The following RAG1 variants were observed in gnomAD, a reference collection of about 807,000 sequenced individuals.
The protein encoded by RAG1 is V(D)J recombination-activating protein 1.
In RAG1, 35 loss-of-function variants were observed where a neutral mutation model predicts 62.7. The observed-to-expected ratio is 0.56, with a 90% CI of 0.43 to 0.74. RAG1 has a LOEUF of 0.74. RAG1 is among the 30% of genes least tolerant of loss of function. RAG1 has a pLI of 0.00. For synonymous variants in RAG1, 461 were observed against 470.3 expected (o/e 0.98, Z 0.26); for missense variants, 1,169 against 1,278.6 (o/e 0.91, Z 1.31).
Position 36,579,438 on chromosome 11 carries a change from A to G in RAG1, c.*3002A>G, listed in dbSNP as rs1360337909. ...ATTTTAACTACAGTAATCTACATAA[A>G]TATACCTCAGAAATCATTTTTGGTG... On this transcript the variant is annotated 3_prime_UTR_variant, in exon 2 of 2. Transcript: ENST00000299440. 3 of 167,032 alleles carry G rather than the reference A, an allele frequency of 1.8e-5. No homozygotes were observed. The highest frequency in any genetic ancestry group is 4.4e-5 in the Non-Finnish European group (3 of 68,128). 10.3% of individuals were successfully genotyped at this position (167,032 alleles called of 1,614,324 possible). A position where few individuals can be genotyped will look rare whatever the true frequency, so the allele number is the denominator to read the frequency against.
Position 36,574,596 on chromosome 11 carries a change from A to C in RAG1, c.1292A>C (p.Lys431Thr). ...GACAAAGAAGAAGGTGGAGATGTGA[A>C]GTCCGTGTGCATGACCTTGTTCCTG... ...FADKEEGGDV[K>T]SVCMTLFLLA... Residue 431 changes from lysine (K) to threonine (T), a missense_variant, in exon 2 of 2, where the codon AAG becomes ACG. By Grantham distance (78) the Lys-to-Thr change is moderately conservative. This residue lies in a region of RAG1 where 800 missense variants were observed against 943.3 expected (regional missense o/e 0.85). Coordinates refer to ENST00000299440, the MANE Select transcript of RAG1 (RefSeq NM_000448.3). 1 of 1,614,226 alleles carries C rather than the reference A, an allele frequency of 6.2e-7. No homozygotes were observed. The highest frequency in any genetic ancestry group is 8.5e-7 in the Non-Finnish European group (1 of 1,180,038).
At chr11:36,531,544 C>G (rs780168932) in intron 2 of RAG1, among the ~76,000 whole-genome samples, 3 of 151,812 alleles carry the variant, frequency 2.0e-5, no homozygotes, top group Non-Finnish European at 2.9e-5. Flanking sequence ...TTTATATAAA[C>G]AGTCTATACA....
intron 3 of RAG1, among the ~76,000 whole-genome samples, chr11:36,559,789 T>C (rs1302762466): frequency 1.3e-5 from 2 of 152,230 alleles, no homozygotes; most frequent in Non-Finnish European, 2.9e-5. Context: ...TTTTGTTAAA[T>C]TGTCTATCTG....
chr11:36,522,946 C>T (rs565518554), intron 2 of RAG1, among the ~76,000 whole-genome samples: 26 of 152,328 alleles, frequency 1.7e-4, no homozygotes, highest in African/African-American at 6.0e-4. Context: ...TGTATTTACC[C>T]AATGACTGTA....
chr11:36,576,653 A>C lies in RAG1; in HGVS notation c.*217A>C, dbSNP rs1324206138. ...GTGAGTTCCGAAAAGCAACAGGAAAAATCAGTTATCTGAAAGCTCAGTAAC... is the reference window on the plus strand; with the variant it reads ...GTGAGTTCCGAAAAGCAACAGGAAACATCAGTTATCTGAAAGCTCAGTAAC... On this transcript the variant is annotated 3_prime_UTR_variant, in exon 2 of 2. Coordinates refer to ENST00000299440, the MANE Select transcript of RAG1 (RefSeq NM_000448.3). 1.7e-6 allele frequency: 1 copy of C among 600,982 alleles called. No individual in the cohort carries two copies. The highest frequency in any genetic ancestry group is 3.0e-6 in the Non-Finnish European group (1 of 333,840). The allele number at this position is 600,982 out of a possible 1,614,324, so 37.2% of individuals were successfully genotyped here. A position where few individuals can be genotyped will look rare whatever the true frequency, so the allele number is the denominator to read the frequency against.
At chr11:36,533,160 T>C (rs2133257707) in intron 2 of RAG1, among the ~76,000 whole-genome samples, 1 of 152,240 alleles carries the variant, frequency 6.6e-6, no homozygotes, top group Non-Finnish European at 1.5e-5. Flanking sequence ...AAACAGGATG[T>C]CCTTCAACAC....
At position 36,576,455 on chromosome 11, in the gene RAG1, A is replaced by C; in HGVS notation, c.*19A>C. 6.2e-7 allele frequency: 1 copy of C among 1,613,684 alleles called. No homozygotes were observed. The highest frequency in any genetic ancestry group is 8.5e-7 in the Non-Finnish European group (1 of 1,179,910). On this transcript the variant is annotated 3_prime_UTR_variant, in exon 2 of 2. Transcript: ENST00000299440. ...ATTTTAAGTAGGGCAACCACTTATG[A>C]GTTGGTTTTTGCAATTGAGTTTCCC...
intron 1 of RAG1, among the ~76,000 whole-genome samples, chr11:36,516,303 T>G (rs991371424): frequency 1.3e-5 from 2 of 152,158 alleles, no homozygotes; most frequent in Non-Finnish European, 2.9e-5. Flanking sequence ...TAAAAATCAC[T>G]GTTGTGTTTT....
chr11:36,574,707 C>G lies in RAG1; in HGVS notation c.1403C>G (p.Ala468Gly). Residue 468 changes from alanine to glycine, a missense_variant, in exon 2 of 2, where the codon GCT (alanine) becomes GGT (glycine). Around this residue, in one of 2 missense-constraint regions of RAG1, gnomAD observed 800 missense variants for 943.3 expected, o/e 0.85. Transcript: ENST00000299440. The stretch of plus-strand genomic sequence containing the variant: ...GGAAAGGGCTCTGGCCTGCAGCCAG[C>G]TGTTTGCTTGGCCATCCGTGTCAAC... Reference protein sequence around the residue: ...MQGKGSGLQPAVCLAIRVNTF... With the variant: ...MQGKGSGLQPGVCLAIRVNTF... The G allele has an allele frequency of 1.9e-6, 3 of 1,614,224 alleles. No individual in the cohort carries two copies. The highest frequency in any genetic ancestry group is 2.5e-6 in the Non-Finnish European group (3 of 1,180,050).
At chr11:36,570,280 T>G (rs1379493240) in intron 1 of RAG1, among the ~76,000 whole-genome samples, 1 of 152,208 alleles carries the variant, frequency 6.6e-6, no homozygotes, top group Non-Finnish European at 1.5e-5. Flanking sequence ...CTCCCAAGAA[T>G]GTATGGAGAT....
chr11:36,514,663 T>C (rs1859971654), intron 1 of RAG1, among the ~76,000 whole-genome samples: 1 of 152,234 alleles, frequency 6.6e-6, no homozygotes, highest in Non-Finnish European at 1.5e-5. Context: ...CATTAAATTC[T>C]CATAAGGAGT....
chr11:36,564,986 A>T (rs1169474315), upstream of RAG1, among the ~76,000 whole-genome samples: 1 of 152,156 alleles, frequency 6.6e-6, no homozygotes, highest in Non-Finnish European at 1.5e-5. Context: ...TCTGCTACTA[A>T]TTCCCTTCTG....
chr11:36,514,961 C>T (rs1859976448), intron 1 of RAG1, among the ~76,000 whole-genome samples: 2 of 152,198 alleles, frequency 1.3e-5, no homozygotes, highest in Admixed American at 1.3e-4. Context: ...AAATAAGCTA[C>T]ATTTATAATC....
chr11:36,548,657 T>A (rs1441998323), intron 3 of RAG1, among the ~76,000 whole-genome samples: 1 of 152,224 alleles, frequency 6.6e-6, no homozygotes, highest in Non-Finnish European at 1.5e-5. Flanking sequence ...TCCATGCTCA[T>A]GGATAGGAAG....
chr11:36,573,209 T>A, intron 1 of RAG1, 82 bp from the exon 2 acceptor site: 1 of 1,290,322 alleles, frequency 7.7e-7, no homozygotes, highest in South Asian at 1.4e-5. Context: ...AATAATTGAA[T>A]GTATTTATTT....
chr11:36,568,207 C>T (rs771287058), intron 1 of RAG1, 85 bp downstream of exon 1: 1 of 151,876 alleles, frequency 6.6e-6, no homozygotes, highest in Non-Finnish European at 1.5e-5. Flanking sequence ...GCTTTTTTTC[C>T]TTCCAGGTGA....
chr11:36,524,209 G>A (rs970515901), intron 2 of RAG1, among the ~76,000 whole-genome samples: 5 of 151,968 alleles, frequency 3.3e-5, no homozygotes, highest in Admixed American at 2.0e-4. Context: ...GAGGAGGGGG[G>A]AGGGATAGCA....
Position 36,519,208 on chromosome 11 carries a change from T to C in RAG1, n.331-924T>C, listed in dbSNP as rs1860041064. 2.0e-5 allele frequency among the ~76,000 whole-genome samples: 3 copies of C among 152,160 alleles called. 1 individual carries two copies. The South Asian group carries it at 6.2e-4, about 31-fold the overall frequency. Reference sequence around the variant, plus strand: ...GTAAGGTAGGGATATAAAGGGTCAATATTACAAGTCAATGGGCAACAAAGA... The same window carrying C: ...GTAAGGTAGGGATATAAAGGGTCAACATTACAAGTCAATGGGCAACAAAGA... On this transcript the variant is annotated intron_variant and non_coding_transcript_variant, in intron 1 of 2. Coordinates refer to the RAG1 transcript ENST00000529126.
At chr11:36,536,920 G>A (rs1354920736), downstream of RAG1, among the ~76,000 whole-genome samples, 4 of 125,614 alleles carry the variant, frequency 3.2e-5, no homozygotes, top group East Asian at 2.0e-4. Context: ...CACCACGCCC[G>A]GCTAATTTTT....
Sources: allele counts gnomAD v4.1 joint callset (sites outside exome capture counted in the v4.1 genomes callset), GRCh38; gene constraint gnomAD v4.1.1; regional missense constraint gnomAD v4.1.1; transcripts MANE v1.5; gene names NCBI Gene and HGNC (gene_info 2026-07-23, HGNC 2026-07-21).